The following TMEM117 variants were observed in gnomAD, a reference collection of about 807,000 sequenced individuals.
TMEM117 encodes the protein transmembrane protein 117.
In TMEM117, 27 loss-of-function variants were observed where a neutral mutation model predicts 52.4. The observed-to-expected ratio is 0.51, with a 90% CI of 0.38 to 0.71. The LOEUF is 0.71. Among genes scored for constraint, TMEM117 ranks in the 30% least tolerant of loss-of-function variants. TMEM117 has a pLI of 0.00. For synonymous variants in TMEM117, 215 were observed against 206.3 expected (o/e 1.04, Z -0.36); for missense variants, 556 against 630.5 (o/e 0.88, Z 1.26).
intron 6 of TMEM117, among the ~76,000 whole-genome samples, chr12:44,335,582 A>C (rs1199589076): frequency 6.6e-6 from 1 of 152,060 alleles, no homozygotes; most frequent in Admixed American, 6.6e-5. Flanking sequence ...CTGAATTTCA[A>C]CTTTCTATCA....
chr12:44,050,613 G>C (rs567345110), intron 3 of TMEM117, among the ~76,000 whole-genome samples: 1 of 152,256 alleles, frequency 6.6e-6, no homozygotes, highest in East Asian at 1.9e-4. Context: ...TCTCTGCCTT[G>C]CCTTTAAAAA....
intron 2 of TMEM117, among the ~76,000 whole-genome samples, chr12:43,846,024 C>T (rs563873766): frequency 6.6e-6 from 1 of 152,206 alleles, no homozygotes; most frequent in South Asian, 2.1e-4. Context: ...CTCCATATCA[C>T]AGCACATTTT....
At chr12:44,394,676 G>A (rs929900595), downstream of TMEM117, among the ~76,000 whole-genome samples, 1 of 152,044 alleles carries the variant, frequency 6.6e-6, no homozygotes. Context: ...CTCTTATCAG[G>A]ACACTCTCAT....
At position 43,966,938 on chromosome 12, in the gene TMEM117, A is replaced by G. The variant is rs141722625; in HGVS notation, c.410+22596A>G. On this transcript the variant is annotated intron_variant, in intron 3 of 7. Coordinates refer to ENST00000266534, the MANE Select transcript of TMEM117 (RefSeq NM_032256.3). Reference sequence around the variant, plus strand: ...CCCTGCCTCAGATTTCAATAGGACTAAAGAAGAGTCCCTAGAATGTGAGAA... The same window carrying G: ...CCCTGCCTCAGATTTCAATAGGACTGAAGAAGAGTCCCTAGAATGTGAGAA... 2.7e-4 allele frequency among the ~76,000 whole-genome samples: 41 copies of G among 152,282 alleles called. No homozygotes were observed. In the East Asian group the frequency reaches 7.5e-3, roughly 28 times the overall value.
At chr12:43,994,412 A>C (rs1945994952) in intron 3 of TMEM117, among the ~76,000 whole-genome samples, 1 of 152,216 alleles carries the variant, frequency 6.6e-6, no homozygotes, top group Non-Finnish European at 1.5e-5. Context: ...AATAAAAAAG[A>C]GTTTCCTAAG....
Position 44,143,581 on chromosome 12 carries a change from C to T in TMEM117, c.467C>T (p.Ala156Val). Residue 156 changes from alanine (A) to valine (V), a missense_variant, in exon 4 of 8, where the codon GCT becomes GTT. Transcript: ENST00000266534. ...GIRNESFMKL[A>V]AVGTWMGDFV... The stretch of plus-strand genomic sequence containing the variant: ...CGAAATGAAAGTTTCATGAAATTAG[C>T]TGCAGTAGGGACCTGGATGGGGGAC... 12 of 1,614,012 alleles carry T rather than the reference C, an allele frequency of 7.4e-6. No individual in the cohort carries two copies. Among genetic ancestry groups the T allele is most frequent in the Non-Finnish European group, 1.0e-5 (12 of 1,179,938 alleles).
intron 3 of TMEM117, among the ~76,000 whole-genome samples, chr12:43,978,964 C>G (rs951375366): frequency 1.3e-5 from 2 of 150,910 alleles, no homozygotes; most frequent in African/African-American, 4.9e-5. Flanking sequence ...TCTGTGCAAT[C>G]TAGTTGCCTC....
At chr12:43,945,109 C>CTAAATAAA (rs71091187) in intron 3 of TMEM117, among the ~76,000 whole-genome samples, 5,722 of 141,688 alleles carry the variant, frequency 0.04, 388 homozygotes, top group East Asian at 0.33. Flanking sequence ...GACTCCGTCT[C>CTAAATAAA]TAAATAAATA....
At chr12:44,324,149 C>T (rs1458838314) in intron 6 of TMEM117, among the ~76,000 whole-genome samples, 1 of 152,000 alleles carries the variant, frequency 6.6e-6, no homozygotes, top group African/African-American at 2.4e-5. Flanking sequence ...CTTTTGCATT[C>T]TTGAGCCATT....
At chr12:44,008,974 A>G in intron 3 of TMEM117, 2 of 375,326 alleles carry the variant, frequency 5.3e-6, no homozygotes, top group Admixed American at 3.6e-5. Flanking sequence ...GGTGACGCTT[A>G]TAGGTCTTCT....
intron 6 of TMEM117, among the ~76,000 whole-genome samples, chr12:44,360,433 G>T (rs1017462985): frequency 7.9e-5 from 12 of 151,816 alleles, no homozygotes; most frequent in African/African-American, 2.9e-4. Flanking sequence ...AAATTAGCCG[G>T]GTGTGGTGGT....
chr12:44,098,871 C>T (rs563077900), intron 3 of TMEM117, among the ~76,000 whole-genome samples: 2 of 152,224 alleles, frequency 1.3e-5, no homozygotes, highest in South Asian at 4.1e-4. Flanking sequence ...GTACATTTAT[C>T]TTTTCTTGTT....
chr12:43,915,380 C>T (rs1303909275), intron 2 of TMEM117, among the ~76,000 whole-genome samples: 1 of 152,164 alleles, frequency 6.6e-6, no homozygotes, highest in Non-Finnish European at 1.5e-5. Flanking sequence ...GAGTCTGGTT[C>T]ATCAGTCATA....
chr12:43,906,222 G>T (rs1457064029), intron 2 of TMEM117, among the ~76,000 whole-genome samples: 1 of 152,114 alleles, frequency 6.6e-6, no homozygotes, highest in South Asian at 2.1e-4. Flanking sequence ...CAGCACTTTG[G>T]GAGGCTGAGG....
At chr12:44,014,929 T>C (rs1280041918) in intron 3 of TMEM117, among the ~76,000 whole-genome samples, 1 of 152,178 alleles carries the variant, frequency 6.6e-6, no homozygotes, top group Non-Finnish European at 1.5e-5. Context: ...ACCTTGCATC[T>C]AGCCTGAGAA....
chr12:44,070,323 G>A (rs1947283484), intron 3 of TMEM117, among the ~76,000 whole-genome samples: 1 of 152,172 alleles, frequency 6.6e-6, no homozygotes, highest in Non-Finnish European at 1.5e-5. Flanking sequence ...CAGAAAGGAG[G>A]GAAAGACAGC....
chr12:44,277,761 CTTTTTTTTTT>C (rs35687259), intron 5 of TMEM117, among the ~76,000 whole-genome samples: 1 of 95,504 alleles, frequency 1.0e-5, no homozygotes, highest in Non-Finnish European at 1.9e-5. Flanking sequence ...AAACTCTGAG[CTTTTTTTTTT>C]TTTTTTTTTT....
chr12:44,345,232 C>A (rs185188376), intron 6 of TMEM117, among the ~76,000 whole-genome samples: 14 of 152,144 alleles, frequency 9.2e-5, no homozygotes, highest in African/African-American at 3.1e-4. Flanking sequence ...GGCAAAGTCA[C>A]CAGAGCTGAG....
intron 3 of TMEM117, among the ~76,000 whole-genome samples, chr12:43,990,872 T>C (rs949105529): frequency 1.3e-5 from 2 of 152,240 alleles, no homozygotes; most frequent in Admixed American, 6.5e-5. Context: ...AATATATCCC[T>C]AATTCCATTC....
Sources: allele counts gnomAD v4.1 joint callset (sites outside exome capture counted in the v4.1 genomes callset), GRCh38; gene constraint gnomAD v4.1.1; transcripts MANE v1.5; gene names NCBI Gene and HGNC (gene_info 2026-07-23, HGNC 2026-07-21).